The following SGCZ variants were observed in gnomAD, a reference collection of about 807,000 sequenced individuals.
The protein encoded by SGCZ is zeta-sarcoglycan.
A neutral mutation model predicts 41.3 loss-of-function variants in SGCZ; 40 were observed. The observed-to-expected ratio is 0.97, with a 90% CI of 0.75 to 1.26. The LOEUF (loss-of-function observed/expected upper bound fraction) is 1.26. SGCZ is among the 50% of genes most tolerant of loss of function. The probability of loss-of-function intolerance (pLI) is 0.00; values close to 1 mark genes in which losing one functional copy is unlikely to be tolerated. For synonymous variants in SGCZ, 206 were observed against 137.5 expected, an observed-to-expected ratio of 1.50 and a Z score of -3.49; for missense variants, 552 against 369.8, an observed-to-expected ratio of 1.49 and a Z score of -4.04.
At chr8:14,241,199 G>C (rs1283946495) in intron 3 of SGCZ, among the ~76,000 whole-genome samples, 2 of 151,684 alleles carry the variant, frequency 1.3e-5, no homozygotes, top group Non-Finnish European at 2.9e-5. Context: ...TATTATACTT[G>C]TGTGTTCCAA....
intron 5 of SGCZ, among the ~76,000 whole-genome samples, chr8:14,159,505 G>A (rs1174428157): frequency 6.6e-6 from 1 of 152,110 alleles, no homozygotes; most frequent in African/African-American, 2.4e-5. Context: ...GAGACTTAAG[G>A]GGAAGGTGGG....
In SGCZ at chr8:14,116,627, T is replaced by A. The variant is rs28492710; in HGVS notation, c.548-8392A>T. Among the ~76,000 whole-genome samples, 378 of 152,190 alleles carry A rather than the reference T, an allele frequency of 2.5e-3. 1 individual carries two copies. Among genetic ancestry groups the A allele is most frequent in the African/African-American group, 8.5e-3 (352 of 41,546 alleles). ...AATGCCCAGATAAATTCTCTTCATC[T>A]TTTTTGTTTCTGTGAGATTATTTAC... is the stretch of plus-strand genomic sequence containing the variant. On this transcript the variant is annotated intron_variant, in intron 5 of 7. Transcript: ENST00000382080.
intron 1 of SGCZ, among the ~76,000 whole-genome samples, chr8:14,935,894 AC>A (rs990682258): frequency 1.3e-5 from 2 of 151,960 alleles, no homozygotes; most frequent in African/African-American, 4.8e-5. Context: ...AAAACCAGAA[AC>A]AAAATAATAA....
intron 1 of SGCZ, among the ~76,000 whole-genome samples, chr8:14,820,324 T>C (rs1052107384): frequency 6.6e-6 from 1 of 151,988 alleles, no homozygotes; most frequent in African/African-American, 2.4e-5. Context: ...TAGTTGCAAA[T>C]ATATATACAC....
At chr8:14,835,065 T>C (rs1802651745) in intron 1 of SGCZ, among the ~76,000 whole-genome samples, 1 of 152,210 alleles carries the variant, frequency 6.6e-6, no homozygotes, top group African/African-American at 2.4e-5. Context: ...CAAAATGATA[T>C]AATTTCCTGT....
intron 1 of SGCZ, among the ~76,000 whole-genome samples, chr8:15,084,686 A>T (rs191854632): frequency 2.8e-3 from 428 of 152,306 alleles, no homozygotes; most frequent in Middle Eastern, 6.8e-3. Flanking sequence ...TGGGAGGCAG[A>T]GGTTGCAGTG....
At chr8:14,780,002 C>G (rs1800535710) in intron 1 of SGCZ, among the ~76,000 whole-genome samples, 1 of 152,136 alleles carries the variant, frequency 6.6e-6, no homozygotes, top group African/African-American at 2.4e-5. Context: ...AATTGTCATT[C>G]TACAGTCAGA....
intron 1 of SGCZ, among the ~76,000 whole-genome samples, chr8:15,140,500 A>T (rs1251591141): frequency 6.6e-6 from 1 of 152,186 alleles, no homozygotes; most frequent in Non-Finnish European, 1.5e-5. Context: ...GATGGAGATA[A>T]TACAGATTAA....
intron 3 of SGCZ, among the ~76,000 whole-genome samples, chr8:14,288,591 T>A (rs979842485): frequency 6.6e-6 from 1 of 152,180 alleles, no homozygotes; most frequent in Non-Finnish European, 1.5e-5. Flanking sequence ...TCATTCATGT[T>A]GAAATGCCAT....
At chr8:14,695,563 T>C (rs1196823644) in intron 1 of SGCZ, among the ~76,000 whole-genome samples, 1 of 152,070 alleles carries the variant, frequency 6.6e-6, no homozygotes, top group Admixed American at 6.6e-5. Flanking sequence ...TGGCATTGCA[T>C]ATACAGGTCA....
At chr8:15,129,130 C>G (rs555845652) in intron 1 of SGCZ, among the ~76,000 whole-genome samples, 1 of 152,148 alleles carries the variant, frequency 6.6e-6, no homozygotes, top group African/African-American at 2.4e-5. Context: ...TTCTTTCAGT[C>G]CAAATTTCCT....
At chr8:14,211,644 T>G (rs1351069) in intron 4 of SGCZ, among the ~76,000 whole-genome samples, 151,330 of 152,114 alleles carry the variant, frequency 0.99, 75,279 homozygotes, top group East Asian at 1. Context: ...TTACCACAAT[T>G]AAGCAGGAGA....
At chr8:14,762,118 G>A (rs568858427) in intron 1 of SGCZ, among the ~76,000 whole-genome samples, 60 of 152,176 alleles carry the variant, frequency 3.9e-4, no homozygotes, top group African/African-American at 1.1e-3. Flanking sequence ...AAATGGAAGC[G>A]TTCTATCTAC....
intron 1 of SGCZ, among the ~76,000 whole-genome samples, chr8:15,166,588 C>T (rs1799673135): frequency 6.6e-6 from 1 of 152,096 alleles, no homozygotes; most frequent in South Asian, 2.1e-4. Flanking sequence ...GTGAATAATG[C>T]TAATATATAT....
intron 1 of SGCZ, among the ~76,000 whole-genome samples, chr8:14,820,817 G>A (rs1279794498): frequency 6.6e-6 from 1 of 150,830 alleles, no homozygotes; most frequent in African/African-American, 2.4e-5. Flanking sequence ...CAAAACCTAT[G>A]GAACATAGCA....
chr8:14,431,895 A>G (rs1175420379), intron 2 of SGCZ, among the ~76,000 whole-genome samples: 2 of 152,230 alleles, frequency 1.3e-5, no homozygotes, highest in African/African-American at 4.8e-5. Context: ...TCTTAAAAGA[A>G]GATACACCAA....
chr8:14,417,377 A>G (rs537330704), intron 2 of SGCZ, among the ~76,000 whole-genome samples: 5 of 152,020 alleles, frequency 3.3e-5, no homozygotes, highest in African/African-American at 1.2e-4. Context: ...TTAGGAAAAT[A>G]GACTTATAAT....
chr8:14,229,672 T>TA (rs1024586657), intron 4 of SGCZ, among the ~76,000 whole-genome samples: 6 of 151,498 alleles, frequency 4.0e-5, no homozygotes, highest in Non-Finnish European at 8.9e-5. Context: ...AAGAGTCAAT[T>TA]AAAAAAAACA....
chr8:14,797,164 G>A (rs371698766), intron 1 of SGCZ, among the ~76,000 whole-genome samples: 1 of 150,980 alleles, frequency 6.6e-6, no homozygotes, highest in East Asian at 2.0e-4. Flanking sequence ...CAGGGGTGGG[G>A]ACAGTTTGGA....
Sources: gnomAD v4.1 joint callset for allele counts (sites outside exome capture counted in the v4.1 genomes callset) on GRCh38, gnomAD v4.1.1 for gene constraint, MANE v1.5 for transcripts, NCBI Gene and HGNC (gene_info 2026-07-23, HGNC 2026-07-21) for gene names.